The following NUP54 variants were observed in gnomAD, a reference collection of about 807,000 sequenced individuals.
The protein encoded by NUP54 is nucleoporin p54.
In NUP54, 27 loss-of-function variants were observed where a neutral mutation model predicts 66.4. The observed-to-expected ratio is 0.41, with a 90% CI of 0.30 to 0.56. The LOEUF (loss-of-function observed/expected upper bound fraction) is 0.56. Ranked by LOEUF, NUP54 falls within the 20% of genes least tolerant of loss-of-function variation. The pLI is 0.34. For synonymous variants in NUP54, 206 were observed against 210.7 expected (o/e 0.98, Z 0.19); for missense variants, 486 against 596.3 (o/e 0.82, Z 1.93).
chr4:76,147,848 A>G (rs1731572497), intron 1 of NUP54: 1 of 342,680 alleles, frequency 2.9e-6, no homozygotes, highest in South Asian at 2.5e-5. Context: ...AGCGAGGACC[A>G]CAGGGGGCCG....
chr4:76,147,228 A>C (rs1000798649), intron 1 of NUP54, among the ~76,000 whole-genome samples: 3 of 152,378 alleles, frequency 2.0e-5, no homozygotes. Context: ...ATTCAAAATT[A>C]TAATCCAAAT....
At chr4:76,132,208 C>A in intron 6 of NUP54, 1 of 175,376 alleles carries the variant, frequency 5.7e-6, no homozygotes, top group Non-Finnish European at 1.2e-5. Flanking sequence ...CTTGAATATT[C>A]AGTTAAAATG....
chr4:76,115,455 T>C lies in NUP54; in HGVS notation c.1435A>G (p.Ser479Gly), dbSNP rs200859038. 1.2e-6 allele frequency: 2 copies of C among 1,611,054 alleles called. No homozygotes were observed. Among genetic ancestry groups the C allele is most frequent in the African/African-American group, 1.3e-5 (1 of 74,944 alleles). ...TCTTCTAGATCGTCTTTAATGATGC[T>C]AATCAAATGGCTAAGGCCTTCCTGT... ...QQQEGLSHLI[S>G]IIKDDLEDIK... Residue 479 changes from serine (S) to glycine (G), a missense_variant, in exon 12 of 12, where the codon AGC becomes GGC. Ser to Gly is a moderately conservative substitution (Grantham distance 56). Coordinates refer to ENST00000264883, the MANE Select transcript of NUP54 (RefSeq NM_017426.4).
chr4:76,138,814 A>C (rs1300340291), intron 3 of NUP54, among the ~76,000 whole-genome samples: 2 of 152,206 alleles, frequency 1.3e-5, no homozygotes, highest in African/African-American at 4.8e-5. Flanking sequence ...GACAAAAGCA[A>C]TAAGGAGGAC....
chr4:76,133,480 T>C (rs532731773), intron 5 of NUP54, among the ~76,000 whole-genome samples: 11 of 152,108 alleles, frequency 7.2e-5, no homozygotes, highest in Non-Finnish European at 1.6e-4. Flanking sequence ...TGATTTTTTT[T>C]GTATTTTTAG....
intron 9 of NUP54, chr4:76,118,469 C>T (rs1431035808): frequency 3.6e-6 from 1 of 276,406 alleles, no homozygotes; most frequent in Non-Finnish European, 6.9e-6. Context: ...CACTCCTTGA[C>T]CTCTGTGGCT....
chr4:76,146,785 C>T (rs558483274), intron 1 of NUP54, among the ~76,000 whole-genome samples: 2 of 152,194 alleles, frequency 1.3e-5, no homozygotes, highest in Non-Finnish European at 2.9e-5. Flanking sequence ...AAACAACCCA[C>T]GTGCATATGA....
chr4:76,127,274 T>C (rs1353038880), intron 8 of NUP54, among the ~76,000 whole-genome samples: 1 of 151,594 alleles, frequency 6.6e-6, no homozygotes, highest in Non-Finnish European at 1.5e-5. Context: ...CTACTAAAAA[T>C]ACAAAAAATT....
chr4:76,124,842 G>T, intron 8 of NUP54, 86 bp from the exon 9 acceptor site: 1 of 559,466 alleles, frequency 1.8e-6, no homozygotes, highest in South Asian at 2.4e-5. Context: ...TTCTAATCTT[G>T]GGATAAGCCT....
intron 8 of NUP54, among the ~76,000 whole-genome samples, chr4:76,127,302 G>A (rs1399142154): frequency 6.6e-6 from 1 of 151,718 alleles, no homozygotes; most frequent in African/African-American, 2.4e-5. Context: ...CGTGGTGGTG[G>A]GCGCCTGTAG....
At chr4:76,144,047 A>G in intron 3 of NUP54, 102 bp downstream of exon 3, 1 of 1,163,850 alleles carries the variant, frequency 8.6e-7, no homozygotes, top group Non-Finnish European at 1.2e-6. Flanking sequence ...GAATATATTA[A>G]TAATTCTTAT....
intron 8 of NUP54, among the ~76,000 whole-genome samples, chr4:76,129,110 T>A (rs1285871944): frequency 1.3e-5 from 2 of 152,186 alleles, no homozygotes; most frequent in Non-Finnish European, 2.9e-5. Flanking sequence ...GATAAATGTA[T>A]GGGGTAATGG....
intron 4 of NUP54, among the ~76,000 whole-genome samples, chr4:76,134,892 T>C (rs1730967014): frequency 6.6e-6 from 1 of 152,102 alleles, no homozygotes; most frequent in South Asian, 2.1e-4. Flanking sequence ...TTCTGCCCAA[T>C]TGTACACTAA....
chr4:76,136,125 CTAAATA>C (rs1578687384), intron 4 of NUP54, 55 bp downstream of exon 4: 1 of 1,116,332 alleles, frequency 9.0e-7, no homozygotes, highest in East Asian at 2.4e-5. Context: ...TGATATTAAT[CTAAATA>C]TATTTTCTGT....
At position 76,132,716 on chromosome 4, in the gene NUP54, T is replaced by C. The variant is rs1471145421; in HGVS notation, c.714A>G (p.Thr238=). Residue 238 remains threonine, a synonymous_variant, in exon 6 of 12, where the codon ACA becomes ACG. Coordinates refer to ENST00000264883, the MANE Select transcript of NUP54 (RefSeq NM_017426.4). ...EGTKTLPDDQ[T]EVVIYVVERS... ...GCTCAACAACATAAATAACAACTTC[T>C]GTCCTGAAGGAAGAATAACCAATTT... 3 of 1,607,122 alleles carry C rather than the reference T, an allele frequency of 1.9e-6. No individual in the cohort carries two copies. Among genetic ancestry groups the C allele is most frequent in the Non-Finnish European group, 2.5e-6 (3 of 1,176,834 alleles).
intron 8 of NUP54, among the ~76,000 whole-genome samples, chr4:76,125,126 C>G (rs1328923950): frequency 6.7e-6 from 1 of 148,768 alleles, no homozygotes; most frequent in Non-Finnish European, 1.5e-5. Context: ...CCCGTCTCTA[C>G]TAAAAATACA....
At chr4:76,146,023 C>CTA in intron 1 of NUP54, 1 of 388,154 alleles carries the variant, frequency 2.6e-6, no homozygotes, top group South Asian at 1.9e-5. Context: ...TTATTCTTCA[C>CTA]TTCCATAGAA....
chr4:76,137,902 A>G (rs1441662804), intron 3 of NUP54, among the ~76,000 whole-genome samples: 1 of 152,230 alleles, frequency 6.6e-6, no homozygotes. Context: ...TTACTTTAAA[A>G]TAACTGTATT....
intron 5 of NUP54, among the ~76,000 whole-genome samples, chr4:76,133,682 G>A (rs1730913168): frequency 1.3e-5 from 2 of 152,142 alleles, no homozygotes; most frequent in South Asian, 4.1e-4. Flanking sequence ...AGGAAATTCT[G>A]TTGAAATTTA....
Sources: gnomAD v4.1 joint callset for allele counts (sites outside exome capture counted in the v4.1 genomes callset) on GRCh38, gnomAD v4.1.1 for gene constraint, MANE v1.5 for transcripts, NCBI Gene and HGNC (gene_info 2026-07-23, HGNC 2026-07-21) for gene names.